The following NLGN4X variants were observed in gnomAD, a reference collection of about 807,000 sequenced individuals.
NLGN4X encodes neuroligin-4, X-linked.
NLGN4X carries 3 observed loss-of-function variants against 40.3 expected under a neutral mutation model. The observed-to-expected ratio is 0.07, with a 90% CI of 0.03 to 0.19. The LOEUF is 0.19. NLGN4X is among the 10% of genes least tolerant of loss of function. NLGN4X has a pLI of 1.00. For missense variants in NLGN4X, 382 were observed against 708.3 expected (o/e 0.54, Z 5.23); for synonymous variants, 270 against 306.8 (o/e 0.88, Z 1.25).
At chrX:5,962,603 T>C (rs2034698212) in intron 3 of NLGN4X, among the ~76,000 whole-genome samples, 1 of 112,305 alleles carries the variant, frequency 8.9e-6, no homozygotes, top group Non-Finnish European at 1.9e-5. Context: ...TCCTATACTA[T>C]CTCCTTTTAT....
chrX:6,049,606 A>G (rs2037424819), intron 2 of NLGN4X, among the ~76,000 whole-genome samples: 1 of 107,951 alleles, frequency 9.3e-6, no homozygotes, highest in Non-Finnish European at 1.9e-5. Flanking sequence ...CTTAAATTAC[A>G]TGGGTTTGTA....
At chrX:6,004,867 G>A (rs2036063219) in intron 3 of NLGN4X, among the ~76,000 whole-genome samples, 2 of 111,622 alleles carry the variant, frequency 1.8e-5, no homozygotes, top group African/African-American at 3.3e-5. Context: ...AACGTTTCAC[G>A]TTCCTAAGAA....
At chrX:6,028,352 A>G (rs1175217014) in intron 3 of NLGN4X, among the ~76,000 whole-genome samples, 1 of 111,552 alleles carries the variant, frequency 9.0e-6, no homozygotes, top group African/African-American at 3.3e-5. Flanking sequence ...TAATTTTCCA[A>G]CCTACAATTA....
intron 2 of NLGN4X, among the ~76,000 whole-genome samples, chrX:6,140,177 T>C: frequency 9.0e-6 from 1 of 111,455 alleles, no homozygotes; most frequent in Non-Finnish European, 1.9e-5. Context: ...AAGAGCTCCT[T>C]TGCCTGAGAT....
intron 2 of NLGN4X, among the ~76,000 whole-genome samples, chrX:6,059,372 C>G (rs1430528226): frequency 8.9e-6 from 1 of 112,183 alleles, no homozygotes; most frequent in Non-Finnish European, 1.9e-5. Context: ...CTGACAGCGT[C>G]AGCCCACGCT....
intron 3 of NLGN4X, among the ~76,000 whole-genome samples, chrX:6,009,053 A>G (rs2036177466): frequency 9.6e-6 from 1 of 103,956 alleles, no homozygotes; most frequent in Admixed American, 1.1e-4. Context: ...GCTGAATAAT[A>G]TTCCATTTCA....
At chrX:5,900,797 A>C (rs2031816134) in intron 5 of NLGN4X, among the ~76,000 whole-genome samples, 1 of 109,063 alleles carries the variant, frequency 9.2e-6, no homozygotes, top group Admixed American at 9.8e-5. Flanking sequence ...GGCTGGTCTT[A>C]AACTCTTGGC....
At chrX:6,072,682 C>G (rs2038097515) in intron 2 of NLGN4X, among the ~76,000 whole-genome samples, 1 of 111,801 alleles carries the variant, frequency 8.9e-6, no homozygotes, top group African/African-American at 3.3e-5. Context: ...GAGTCCACCT[C>G]TGGGATGACA....
intron 2 of NLGN4X, among the ~76,000 whole-genome samples, chrX:6,044,125 A>ATAAATAAATAAT (rs1380802739): frequency 3.6e-5 from 4 of 110,094 alleles, no homozygotes; most frequent in African/African-American, 1.3e-4. Flanking sequence ...AAATAAATAA[A>ATAAATAAATAAT]TAAATAAATA....
chrX:5,903,679 C>T lies in NLGN4X; in HGVS notation c.999G>A (p.Pro333=), dbSNP rs398124367. The T allele has an allele frequency of 9.9e-6, 12 of 1,209,821 alleles. No individual in the cohort carries two copies. Among genetic ancestry groups the T allele is most frequent in the African/African-American group, 1.8e-5 (1 of 57,074 alleles). Residue 333 remains proline, a synonymous_variant, in exon 5 of 6, where the codon CCG becomes CCA. Transcript: ENST00000381095. The stretch of plus-strand genomic sequence containing the variant: ...GCCCGAAGGCTATGTGGTAGGTGGC[C>T]GGGGTGATGGTCTGCTGGATGAGCT... ...YKELIQQTIT[P]ATYHIAFGPV... is the part of the protein sequence containing the mutation.
Position 5,918,089 on chromosome X carries a change from T to C in NLGN4X, c.626-8850A>G, listed in dbSNP as rs1196142399. 3.6e-5 allele frequency among the ~76,000 whole-genome samples: 4 copies of C among 111,209 alleles called. No individual in the cohort carries two copies. In the Admixed American group the frequency reaches 3.8e-4, roughly 11 times the overall value. ...AGTAGCCATGATGACCCAAGCAAAA[T>C]CTGGGGGAAAATGATGCGGTAGTTC... On this transcript the variant is annotated intron_variant, in intron 3 of 5. Coordinates refer to ENST00000381095, the MANE Select transcript of NLGN4X (RefSeq NM_181332.3).
chrX:5,943,654 G>A (rs1042939481), intron 3 of NLGN4X, among the ~76,000 whole-genome samples: 30 of 112,335 alleles, frequency 2.7e-4, no homozygotes, highest in African/African-American at 8.7e-4. Flanking sequence ...TACCCACAGG[G>A]TGGTAAACTT....
At chrX:5,985,903 C>T (rs1350659724) in intron 3 of NLGN4X, among the ~76,000 whole-genome samples, 2 of 111,684 alleles carry the variant, frequency 1.8e-5, no homozygotes, top group Non-Finnish European at 3.8e-5. Flanking sequence ...CAGAGGATCA[C>T]TTTATAATGA....
chrX:6,203,329 A>G (rs1457300825), intron 1 of NLGN4X, among the ~76,000 whole-genome samples: 1 of 112,300 alleles, frequency 8.9e-6, no homozygotes, highest in Non-Finnish European at 1.9e-5. Context: ...TGCAGCTCAT[A>G]AGCCACCTCC....
At chrX:6,085,171 G>A (rs1348755026) in intron 2 of NLGN4X, among the ~76,000 whole-genome samples, 2 of 109,887 alleles carry the variant, frequency 1.8e-5, no homozygotes, top group Non-Finnish European at 3.8e-5. Flanking sequence ...TATGTCAGAC[G>A]TTTGGTGGCT....
intron 2 of NLGN4X, among the ~76,000 whole-genome samples, chrX:6,086,395 A>G (rs1476554205): frequency 8.9e-6 from 1 of 112,030 alleles, no homozygotes; most frequent in Non-Finnish European, 1.9e-5. Flanking sequence ...AATGAATAAT[A>G]GGAAATGTAA....
chrX:6,062,503 C>A (rs765127408), intron 2 of NLGN4X, among the ~76,000 whole-genome samples: 4 of 111,455 alleles, frequency 3.6e-5, no homozygotes, highest in Non-Finnish European at 7.5e-5. Context: ...TTCTCGATAG[C>A]ACCACCCTAC....
intron 5 of NLGN4X, 142 bp from the exon 6 acceptor site, chrX:5,893,808 G>T (rs934294591): frequency 2.9e-6 from 2 of 684,453 alleles, no homozygotes; most frequent in Admixed American, 3.3e-5. Context: ...AGCAGCAAAG[G>T]TACATTCTGC....
At chrX:6,075,891 G>T (rs2038182725) in intron 2 of NLGN4X, among the ~76,000 whole-genome samples, 1 of 111,420 alleles carries the variant, frequency 9.0e-6, no homozygotes, top group South Asian at 3.8e-4. Flanking sequence ...CAGTCTCAGA[G>T]ATTCCTTAAT....
Sources: gnomAD v4.1 joint callset for allele counts (sites outside exome capture counted in the v4.1 genomes callset) on GRCh38, gnomAD v4.1.1 for gene constraint, MANE v1.5 for transcripts, NCBI Gene and HGNC (gene_info 2026-07-23, HGNC 2026-07-21) for gene names.